Variants in GREB1L observed in about 807,000 individuals in gnomAD.
The protein encoded by GREB1L is GREB1 like retinoic acid receptor coactivator.
A neutral mutation model predicts 200.8 loss-of-function variants in GREB1L; 17 were observed. That is an observed-to-expected ratio of 0.08 (90% confidence interval 0.06 to 0.13). The LOEUF (loss-of-function observed/expected upper bound fraction) is 0.13, where lower values mean the gene tolerates loss of function less well. Among genes scored for constraint, GREB1L ranks in the 10% least tolerant of loss-of-function variants. The pLI, the probability that GREB1L is intolerant of heterozygous loss-of-function variation, is 1.00. For missense variants in GREB1L, 1,657 were observed against 2,367.7 expected, an observed-to-expected ratio of 0.70 and a Z score of 6.23; for synonymous variants, 789 against 893.0, an observed-to-expected ratio of 0.88 and a Z score of 2.08.
chr18:21,426,000 T>A (rs2032536420), intron 7 of GREB1L, among the ~76,000 whole-genome samples: 1 of 152,122 alleles, frequency 6.6e-6, no homozygotes. Context: ...CTTCTAAGAG[T>A]GTTATAGCTA....
At chr18:21,470,508 T>A (rs910630674) in intron 15 of GREB1L, among the ~76,000 whole-genome samples, 1 of 152,220 alleles carries the variant, frequency 6.6e-6, no homozygotes, top group Non-Finnish European at 1.5e-5. Flanking sequence ...AATGTTTTTT[T>A]AAAGTACATT....
At chr18:21,424,705 AGT>A (rs1164374339) in intron 7 of GREB1L, among the ~76,000 whole-genome samples, 2 of 152,210 alleles carry the variant, frequency 1.3e-5, no homozygotes, top group Non-Finnish European at 2.9e-5. Flanking sequence ...TGTACAATTC[AGT>A]GTTTTTAAGT....
intron 7 of GREB1L, among the ~76,000 whole-genome samples, chr18:21,433,869 G>A (rs2033338950): frequency 1.3e-5 from 2 of 152,048 alleles, no homozygotes; most frequent in African/African-American, 4.8e-5. Flanking sequence ...TGTTCTGCTG[G>A]AGTAGTCAGG....
At position 21,499,859 on chromosome 18, in the gene GREB1L, T is replaced by TGGAGCC. The variant is rs1034649306; in HGVS notation, c.3531_3536dup (p.Ala1178_Gly1179dup). 20 of 1,551,008 alleles carry TGGAGCC rather than the reference T, an allele frequency of 1.3e-5. No individual in the cohort carries two copies. In the African/African-American group the frequency reaches 1.9e-4, roughly 15 times the overall value. On this transcript the variant is annotated inframe_insertion, in exon 22 of 33. Transcript: ENST00000424526. ...ATGAAGGGGTCTCCGCCAGCTCAGCTGGAGCCGGAGCCGGGGAGACTCTGA... is the reference window on the plus strand; with the variant it reads ...ATGAAGGGGTCTCCGCCAGCTCAGCTGGAGCCGGAGCCGGAGCCGGGGAGACTCTGA...
intron 19 of GREB1L, among the ~76,000 whole-genome samples, chr18:21,491,868 A>T (rs2145864874): frequency 6.6e-6 from 1 of 152,206 alleles, no homozygotes; most frequent in South Asian, 2.1e-4. Context: ...GAAACTCCTA[A>T]ATTTAGAAGT....
At position 21,490,136 on chromosome 18, in the gene GREB1L, A is replaced by T; in HGVS notation, c.2815A>T (p.Ile939Phe). Residue 939 changes from isoleucine (I) to phenylalanine (F), a missense_variant, in exon 19 of 33, where the codon ATT becomes TTT. Transcript: ENST00000424526. ...CCACAGCACACCAGAAACACTCAGC[A>T]TTATGGATGACCTCATCAGCTCCCC... Reference protein sequence around the residue: ...RDHSTPETLSIMDDLISSPGK... With the variant: ...RDHSTPETLSFMDDLISSPGK... 6.4e-7 allele frequency: 1 copy of T among 1,551,852 alleles called. No individual in the cohort carries two copies. The highest frequency in any genetic ancestry group is 8.7e-7 in the Non-Finnish European group (1 of 1,147,016).
chr18:21,389,741 G>A (rs1318186546), intron 4 of GREB1L, among the ~76,000 whole-genome samples: 1 of 152,156 alleles, frequency 6.6e-6, no homozygotes, highest in East Asian at 1.9e-4. Flanking sequence ...CAGCAGAAAT[G>A]TCAGTCTGTG....
At chr18:21,393,876 T>C (rs1263534458) in intron 4 of GREB1L, among the ~76,000 whole-genome samples, 2 of 152,170 alleles carry the variant, frequency 1.3e-5, no homozygotes, top group Non-Finnish European at 2.9e-5. Flanking sequence ...ATAGCATTTA[T>C]CATACTTTTA....
At chr18:21,466,492 T>C (rs374780770) in intron 15 of GREB1L, among the ~76,000 whole-genome samples, 2 of 151,752 alleles carry the variant, frequency 1.3e-5, no homozygotes, top group Non-Finnish European at 2.9e-5. Context: ...GAAAATGAAA[T>C]TGAGAAAATT....
chr18:21,291,814 G>C (rs1337053999), intron 1 of GREB1L, among the ~76,000 whole-genome samples: 1 of 152,152 alleles, frequency 6.6e-6, no homozygotes, highest in South Asian at 2.1e-4. Context: ...AAACGCCCCT[G>C]GCCGTACGTG....
chr18:21,343,003 T>C (rs371840643), intron 1 of GREB1L, among the ~76,000 whole-genome samples: 3 of 152,206 alleles, frequency 2.0e-5, no homozygotes, highest in East Asian at 3.8e-4. Context: ...TCTGTTTTTG[T>C]CTTTGAGGAA....
intron 16 of GREB1L, among the ~76,000 whole-genome samples, chr18:21,476,743 TG>T (rs918822975): frequency 7.7e-6 from 1 of 129,316 alleles, no homozygotes; most frequent in African/African-American, 3.6e-5. Flanking sequence ...TAATTTTTTT[TG>T]TATTTTTTTT....
chr18:21,357,374 G>A (rs1246676936), intron 1 of GREB1L, among the ~76,000 whole-genome samples: 1 of 152,168 alleles, frequency 6.6e-6, no homozygotes, highest in Non-Finnish European at 1.5e-5. Flanking sequence ...TTATAGTTTG[G>A]ATTTTAACCC....
chr18:21,515,933 G>C (rs1267289954), intron 29 of GREB1L, among the ~76,000 whole-genome samples: 1 of 152,108 alleles, frequency 6.6e-6, no homozygotes, highest in Non-Finnish European at 1.5e-5. Flanking sequence ...TCAGTGTGTG[G>C]ACCCACAAAC....
At chr18:21,496,811 C>T (rs1473897513) in intron 21 of GREB1L, 113 bp downstream of exon 21, 1 of 1,196,096 alleles carries the variant, frequency 8.4e-7, no homozygotes, top group South Asian at 1.6e-5. Flanking sequence ...GAGGAGCCTT[C>T]AGGGACTGGC....
intron 7 of GREB1L, among the ~76,000 whole-genome samples, chr18:21,412,377 C>T (rs955630202): frequency 3.3e-5 from 5 of 152,268 alleles, no homozygotes; most frequent in Middle Eastern, 3.4e-3. Context: ...CTCACCACTG[C>T]ACTCCAGCCT....
At chr18:21,398,869 T>C (rs937076108) in intron 5 of GREB1L, among the ~76,000 whole-genome samples, 8 of 152,190 alleles carry the variant, frequency 5.3e-5, no homozygotes, top group Non-Finnish European at 8.8e-5. Flanking sequence ...GTAATTTGGC[T>C]GTGAGTGGTG....
Position 21,496,847 on chromosome 18 carries a change from G to GGGTCT in GREB1L, c.3391+151_3391+152insTCTGG, listed in dbSNP as rs767962488. 47 of 821,386 alleles carry GGGTCT rather than the reference G, an allele frequency of 5.7e-5. 1 individual carries two copies. The Middle Eastern group carries it at 1.5e-3, about 26-fold the overall frequency. 50.9% of individuals were successfully genotyped at this position (821,386 alleles called of 1,614,324 possible). On this transcript the variant is annotated intron_variant, in intron 21 of 32. Coordinates refer to ENST00000424526, the MANE Select transcript of GREB1L (RefSeq NM_001142966.3). ...ATCCTCTCCAGACCCAGCTCCAGGT[G>GGGTCT]GGAGATGCTTGGAAAACATGACTGT...
At chr18:21,354,757 G>C (rs528799597) in intron 1 of GREB1L, among the ~76,000 whole-genome samples, 5 of 152,210 alleles carry the variant, frequency 3.3e-5, no homozygotes, top group Admixed American at 1.3e-4. Flanking sequence ...AGATGGGGTG[G>C]GTGGTATTTC....
Sources: gnomAD v4.1 joint callset for allele counts (sites outside exome capture counted in the v4.1 genomes callset) on GRCh38, gnomAD v4.1.1 for gene constraint, MANE v1.5 for transcripts, NCBI Gene and HGNC (gene_info 2026-07-23, HGNC 2026-07-21) for gene names.